The following PTPRN2 variants were observed in gnomAD, a reference collection of about 807,000 sequenced individuals.
PTPRN2 encodes the protein protein tyrosine phosphatase receptor type N2, also known as receptor-type tyrosine-protein phosphatase N2.
A neutral mutation model predicts 118.8 loss-of-function variants in PTPRN2; 74 were observed. That is an observed-to-expected ratio of 0.62 (90% confidence interval 0.52 to 0.76). The LOEUF (loss-of-function observed/expected upper bound fraction) is 0.76. Among genes scored for constraint, PTPRN2 ranks in the 30% least tolerant of loss-of-function variants. The pLI is 0.00. For synonymous variants in PTPRN2, 641 were observed against 608.0 expected (o/e 1.05, Z -0.80); for missense variants, 1,481 against 1,394.4 (o/e 1.06, Z -0.99).
At chr7:157,921,167 C>T (rs1798672725) in intron 11 of PTPRN2, among the ~76,000 whole-genome samples, 1 of 152,150 alleles carries the variant, frequency 6.6e-6, no homozygotes, top group South Asian at 2.1e-4. Context: ...GCCGTCAAAC[C>T]ATGACACAGG....
chr7:158,238,418 A>G (rs1276178007), intron 3 of PTPRN2, among the ~76,000 whole-genome samples: 3 of 152,100 alleles, frequency 2.0e-5, no homozygotes, highest in African/African-American at 7.2e-5. Context: ...ACAGGAAGGA[A>G]GGAAGCCACA....
rs1030648127 is a variant in PTPRN2 at position 158,517,347 on chromosome 7, C to T, written c.113-27562G>A. Among the ~76,000 whole-genome samples, 4 of 152,192 alleles carry T rather than the reference C, an allele frequency of 2.6e-5. No homozygotes were observed. Among genetic ancestry groups the T allele is most frequent in the South Asian group, 2.1e-4 (1 of 4,836 alleles). On this transcript the variant is annotated intron_variant, in intron 1 of 22. Coordinates refer to ENST00000389418, the MANE Select transcript of PTPRN2 (RefSeq NM_002847.5). The surrounding 1 kb of genome is among the most constrained non-coding windows in gnomAD (Gnocchi z 5.3). ...GAACCGCAGCAACGACACCTATCAC[C>T]GCCCACCACAGGCGCACTGTGGGCT...
chr7:158,263,463 C>A (rs4909160), intron 3 of PTPRN2, among the ~76,000 whole-genome samples: 3 of 152,328 alleles, frequency 2.0e-5, no homozygotes, highest in African/African-American at 7.2e-5. Context: ...CATCTTCTCC[C>A]GACCGCATCC....
chr7:157,642,755 C>T (rs1804751572), intron 14 of PTPRN2, among the ~76,000 whole-genome samples: 1 of 142,114 alleles, frequency 7.0e-6, no homozygotes, highest in Admixed American at 7.5e-5. Context: ...CTTGATTCCA[C>T]TTCTTCTATC....
At position 157,587,226 on chromosome 7, in the gene PTPRN2, G is replaced by C. The variant is rs377529789; in HGVS notation, c.2496+8012C>G. On this transcript the variant is annotated intron_variant, in intron 17 of 22. Coordinates refer to ENST00000389418, the MANE Select transcript of PTPRN2 (RefSeq NM_002847.5). This position sits in a 1 kb window ranked among gnomAD's most constrained non-coding sequence, Gnocchi z 5.3. Reference sequence around the variant, plus strand: ...AGGCAGACAGAGACAAGACACACAGGCAGACAGGCAGACAGCGAGACAGGC... The same window carrying C: ...AGGCAGACAGAGACAAGACACACAGCCAGACAGGCAGACAGCGAGACAGGC... Among the ~76,000 whole-genome samples the C allele has an allele frequency of 1.6e-4, 24 of 151,406 alleles. No individual in the cohort carries two copies. The East Asian group carries it at 4.1e-3, about 26-fold the overall frequency.
chr7:158,060,368 A>C (rs1810227823), intron 11 of PTPRN2, among the ~76,000 whole-genome samples: 5 of 152,222 alleles, frequency 3.3e-5, no homozygotes, highest in Admixed American at 3.3e-4. Flanking sequence ...TGCAGCCCCC[A>C]GCGGCCGCCA....
At position 157,869,467 on chromosome 7, in the gene PTPRN2, T is replaced by G. The variant is rs1429734509; in HGVS notation, c.1788+29206A>C. On this transcript the variant is annotated intron_variant, in intron 12 of 22. Transcript: ENST00000389418. The surrounding 1 kb of genome is among the most constrained non-coding windows in gnomAD (Gnocchi z 4.2). Reference sequence around the variant, plus strand: ...GGTAAAAATAAAAATATAAACTTTATTTCTCAACATAATCTCCACCAGGGC... The same window carrying G: ...GGTAAAAATAAAAATATAAACTTTAGTTCTCAACATAATCTCCACCAGGGC... 6.6e-6 allele frequency among the ~76,000 whole-genome samples: 1 copy of G among 152,218 alleles called. No homozygotes were observed. Among genetic ancestry groups the G allele is most frequent in the Non-Finnish European group, 1.5e-5 (1 of 68,042 alleles).
intron 3 of PTPRN2, among the ~76,000 whole-genome samples, chr7:158,312,248 CTG>C: frequency 1.9e-5 from 2 of 107,320 alleles, no homozygotes; most frequent in African/African-American, 6.2e-5. Flanking sequence ...GCACACACAC[CTG>C]CACACGCACT....
At position 157,964,773 on chromosome 7, in the gene PTPRN2, G is replaced by A. The variant is rs1362657292; in HGVS notation, c.1724-66036C>T. Reference sequence around the variant, plus strand: ...CCTCAAGCTTCCCACTTGAAGGTTGGTGTGAAACCCCACCCCACTCAACCC... The same window carrying A: ...CCTCAAGCTTCCCACTTGAAGGTTGATGTGAAACCCCACCCCACTCAACCC... On this transcript the variant is annotated intron_variant, in intron 11 of 22. Transcript: ENST00000389418. This position sits in a 1 kb window ranked among gnomAD's most constrained non-coding sequence, Gnocchi z 9.0. Among the ~76,000 whole-genome samples the A allele has an allele frequency of 1.3e-5, 2 of 152,124 alleles. No individual in the cohort carries two copies. Among genetic ancestry groups the A allele is most frequent in the Non-Finnish European group, 2.9e-5 (2 of 68,006 alleles).
chr7:158,152,714 C>T lies in PTPRN2; in HGVS notation c.911-14199G>A, dbSNP rs117270412. The stretch of plus-strand genomic sequence containing the variant: ...CTCCCATCCTGTGCCTATAAAAACC[C>T]CCAAGACCCTGGCAGGCACACACAC... On this transcript the variant is annotated intron_variant, in intron 6 of 22. Transcript: ENST00000389418. Among the ~76,000 whole-genome samples, 677 of 152,338 alleles carry T rather than the reference C, an allele frequency of 4.4e-3. 15 individuals carry two copies. The East Asian group carries it at 0.063, about 14-fold the overall frequency.
At chr7:157,898,982 G>T (rs1797291805) in intron 11 of PTPRN2, among the ~76,000 whole-genome samples, 1 of 152,214 alleles carries the variant, frequency 6.6e-6, no homozygotes, top group Non-Finnish European at 1.5e-5. Flanking sequence ...CTAGAAAGGG[G>T]TGTCCCACCC....
At chr7:158,077,623 G>A (rs1316050894) in intron 11 of PTPRN2, among the ~76,000 whole-genome samples, 1 of 151,380 alleles carries the variant, frequency 6.6e-6, no homozygotes, top group Non-Finnish European at 1.5e-5. Context: ...GAGAGGGAAT[G>A]TTTGAAGAAA....
Position 158,098,009 on chromosome 7 carries a change from C to A in PTPRN2, c.1643+12820G>T, listed in dbSNP as rs115782326. Among the ~76,000 whole-genome samples the A allele has an allele frequency of 3.8e-3, 573 of 152,276 alleles. 5 individuals are homozygous for A. The highest frequency in any genetic ancestry group is 0.013 in the African/African-American group (559 of 41,558). On this transcript the variant is annotated intron_variant, in intron 10 of 22. Coordinates refer to ENST00000389418, the MANE Select transcript of PTPRN2 (RefSeq NM_002847.5). ...CCTGTCAGAGCTGCTCCCCTCGAGA[C>A]ACCAACGAGGCACAGCCCACACCCC...
At chr7:157,991,806 A>G (rs1050725692) in intron 11 of PTPRN2, among the ~76,000 whole-genome samples, 1 of 151,434 alleles carries the variant, frequency 6.6e-6, no homozygotes, top group Admixed American at 6.6e-5. Context: ...ACCCTCCCAG[A>G]AGTGATGCAC....
chr7:157,791,063 C>G (rs1223889674), intron 12 of PTPRN2, among the ~76,000 whole-genome samples: 1 of 152,104 alleles, frequency 6.6e-6, no homozygotes, highest in Non-Finnish European at 1.5e-5. Flanking sequence ...CAAAAAAAAT[C>G]CCGTTTCTTA....
intron 6 of PTPRN2, among the ~76,000 whole-genome samples, chr7:158,145,976 C>T (rs983737747): frequency 6.6e-6 from 1 of 152,178 alleles, no homozygotes; most frequent in South Asian, 2.1e-4. Flanking sequence ...GAGGCATGGG[C>T]CCAGCATACT....
At chr7:158,096,548 T>A (rs1398083764) in intron 10 of PTPRN2, among the ~76,000 whole-genome samples, 2 of 152,256 alleles carry the variant, frequency 1.3e-5, no homozygotes, top group African/African-American at 4.8e-5. Context: ...TTGTCTCATC[T>A]TAAAGACGGG....
At chr7:157,866,798 G>A (rs1160179938) in intron 12 of PTPRN2, among the ~76,000 whole-genome samples, 3 of 45,724 alleles carry the variant, frequency 6.6e-5, no homozygotes, top group East Asian at 4.2e-4. Context: ...CCACTACCCC[G>A]CCCCCGACGC....
intron 12 of PTPRN2, among the ~76,000 whole-genome samples, chr7:157,683,168 G>A (rs528506257): frequency 3.9e-5 from 6 of 152,328 alleles, no homozygotes; most frequent in South Asian, 2.1e-4. Context: ...GACAGTCAGA[G>A]GCATCACTTT....
Sources: allele counts gnomAD v4.1 joint callset (sites outside exome capture counted in the v4.1 genomes callset), GRCh38; gene constraint gnomAD v4.1.1; non-coding constraint Gnocchi (gnomAD v3.1); transcripts MANE v1.5; gene names NCBI Gene and HGNC (gene_info 2026-07-23, HGNC 2026-07-21).